GRID2: variants seen among roughly 807,000 people sequenced by gnomAD.
GRID2 encodes the protein glutamate ionotropic receptor delta type subunit 2.
In GRID2, 33 loss-of-function variants were observed where a neutral mutation model predicts 114.8. The ratio of observed to expected loss-of-function variants is 0.29; its 90% CI spans 0.22 to 0.38. The LOEUF (loss-of-function observed/expected upper bound fraction) is 0.38. Ranked by LOEUF, GRID2 falls within the 10% of genes least tolerant of loss-of-function variation. The pLI, the probability that GRID2 is intolerant of heterozygous loss-of-function variation, is 1.00. For missense variants in GRID2, 1,184 were observed against 1,257.7 expected (o/e 0.94, Z 0.89); for synonymous variants, 505 against 449.9 (o/e 1.12, Z -1.55).
At chr4:92,616,740 G>A (rs1730021441) in intron 2 of GRID2, among the ~76,000 whole-genome samples, 1 of 151,316 alleles carries the variant, frequency 6.6e-6, no homozygotes, top group South Asian at 2.1e-4. Flanking sequence ...TTTCTTCCTT[G>A]TATTTATTGA....
Position 92,625,013 on chromosome 4 carries a change from T to A in GRID2, c.244+34727T>A, listed in dbSNP as rs1052272030. ...TAACTTAAATTTTTGGTGGTATACC[T>A]TTTTAGAGTAATTCATTTTCTCACT... On this transcript the variant is annotated intron_variant, in intron 2 of 15. Transcript: ENST00000282020. 3.3e-5 allele frequency among the ~76,000 whole-genome samples: 5 copies of A among 151,772 alleles called. No homozygotes were observed. In the Admixed American group the frequency reaches 3.3e-4, roughly 10 times the overall value.
At chr4:92,954,912 A>T (rs1752285406) in intron 2 of GRID2, among the ~76,000 whole-genome samples, 2 of 135,708 alleles carry the variant, frequency 1.5e-5, no homozygotes, top group South Asian at 2.4e-4. Flanking sequence ...GATGATTTCC[A>T]ATTTCATCCA....
intron 4 of GRID2, among the ~76,000 whole-genome samples, chr4:93,189,324 A>G (rs1740745462): frequency 6.6e-6 from 1 of 152,156 alleles, no homozygotes; most frequent in South Asian, 2.1e-4. Context: ...CTCCCTTTCT[A>G]CTTTAAATTG....
chr4:92,608,307 T>TAATAAAGATATC (rs1729560418), intron 2 of GRID2, among the ~76,000 whole-genome samples: 1 of 151,746 alleles, frequency 6.6e-6, no homozygotes, highest in African/African-American at 2.4e-5. Context: ...ATAAAGACAT[T>TAATAAAGATATC]AATAAAGATA....
chr4:93,279,699 CT>C (rs1554023599), intron 8 of GRID2, among the ~76,000 whole-genome samples: 7 of 151,760 alleles, frequency 4.6e-5, no homozygotes, highest in Non-Finnish European at 1.0e-4. Context: ...AAGACCTTTA[CT>C]TTTTTTATAT....
chr4:92,987,266 C>T (rs2149197444), intron 2 of GRID2, among the ~76,000 whole-genome samples: 1 of 151,924 alleles, frequency 6.6e-6, no homozygotes, highest in East Asian at 1.9e-4. Context: ...TTTGAACTTC[C>T]TCACCATTAA....
rs1352613092 is a variant in GRID2 at position 92,688,066 on chromosome 4, T to TTTTG, written c.244+97780_244+97781insTTTG. 1.7e-4 allele frequency among the ~76,000 whole-genome samples: 23 copies of TTTTG among 135,018 alleles called. 1 individual carries two copies. The highest frequency in any genetic ancestry group is 6.7e-4 in the African/African-American group (23 of 34,334). 88.6% of individuals were successfully genotyped at this position (135,018 alleles called of 152,430 possible). A position where few individuals can be genotyped will look rare whatever the true frequency, so the allele number is the denominator to read the frequency against. On this transcript the variant is annotated intron_variant, in intron 2 of 15. Coordinates refer to ENST00000282020, the MANE Select transcript of GRID2 (RefSeq NM_001510.4). ...TTTTTTTTTTTTTTTTTTTTTTTTT[T>TTTTG]GGGATGGAGTTTCGCTCTCGTTGCC...
intron 14 of GRID2, among the ~76,000 whole-genome samples, chr4:93,724,220 G>A (rs558505803): frequency 6.6e-6 from 1 of 152,236 alleles, no homozygotes; most frequent in South Asian, 2.1e-4. Context: ...CTATTTCCAG[G>A]GAGCCATGAC....
chr4:92,590,134 C>G lies in GRID2; in HGVS notation c.92C>G (p.Ala31Gly), dbSNP rs1728638701. 1 of 1,606,628 alleles carries G rather than the reference C, an allele frequency of 6.2e-7. No individual in the cohort carries two copies. The highest frequency in any genetic ancestry group is 8.5e-7 in the Non-Finnish European group (1 of 1,173,900). The stretch of plus-strand genomic sequence containing the variant: ...GGCAAAATTCACTTCTTTCTAGGAG[C>G]AATTTTTGATGAATCTGCCAAAAAG... Reference protein sequence around the residue: ...ANADSIIHIGAIFDESAKKDD... With the variant: ...ANADSIIHIGGIFDESAKKDD... The change falls in exon 2 of 16, where the codon GCA becomes GGA. Residue 31 changes from alanine (A) to glycine (G), a missense_variant. This residue lies in a region of GRID2 where 455 missense variants were observed against 429.5 expected (regional missense o/e 1.06). Coordinates refer to ENST00000282020, the MANE Select transcript of GRID2 (RefSeq NM_001510.4).
chr4:93,491,511 A>T (rs527581240), intron 12 of GRID2, among the ~76,000 whole-genome samples: 1 of 152,016 alleles, frequency 6.6e-6, no homozygotes, highest in South Asian at 2.1e-4. Context: ...ATGCTATAAG[A>T]TCAACACCAC....
intron 2 of GRID2, among the ~76,000 whole-genome samples, chr4:92,958,191 G>A (rs576453029): frequency 2.2e-3 from 341 of 152,074 alleles, no homozygotes; most frequent in Non-Finnish European, 3.2e-3. Context: ...CTTGAAAAAA[G>A]AGTGGTGAGA....
chr4:93,526,187 T>C (rs1056388338), intron 13 of GRID2, among the ~76,000 whole-genome samples: 1 of 152,108 alleles, frequency 6.6e-6, no homozygotes, highest in African/African-American at 2.4e-5. Context: ...CTCACAATAG[T>C]GAGTGAGTTC....
intron 2 of GRID2, among the ~76,000 whole-genome samples, chr4:93,014,712 T>C (rs751635983): frequency 6.6e-6 from 1 of 152,164 alleles, no homozygotes; most frequent in Admixed American, 6.6e-5. Flanking sequence ...TCTCAGTCAA[T>C]AGAAGCATTT....
intron 2 of GRID2, among the ~76,000 whole-genome samples, chr4:92,671,152 G>A (rs1733046675): frequency 6.6e-6 from 1 of 152,018 alleles, no homozygotes; most frequent in African/African-American, 2.4e-5. Context: ...TAAAATCATG[G>A]TCGAAGGTGA....
Position 93,804,268 on chromosome 4 carries a change from C to T in GRID2, c.222-2447C>T, listed in dbSNP as rs1450778019. 3.3e-5 allele frequency among the ~76,000 whole-genome samples: 5 copies of T among 152,266 alleles called. No homozygotes were observed. In the East Asian group the frequency reaches 7.7e-4, roughly 24 times the overall value. ...CTAATAGTAGTCATGTGTTGCTTAA[C>T]CATGGAGATCCATTCAGGAAAAATG... is the stretch of plus-strand genomic sequence containing the variant. On this transcript the variant is annotated intron_variant, in intron 1 of 1. Transcript: ENST00000637838.
At chr4:93,457,392 G>T (rs1253585651) in intron 11 of GRID2, among the ~76,000 whole-genome samples, 2 of 151,966 alleles carry the variant, frequency 1.3e-5, no homozygotes, top group Non-Finnish European at 2.9e-5. Flanking sequence ...GATAGTCCAA[G>T]CAGAGAGGAT....
intron 4 of GRID2, among the ~76,000 whole-genome samples, chr4:93,120,821 C>T (rs1733716084): frequency 2.6e-5 from 4 of 151,874 alleles, no homozygotes; most frequent in Non-Finnish European, 5.9e-5. Context: ...GGCATGGTGG[C>T]GGGCACCTGT....
At chr4:92,734,930 G>T (rs115332911) in intron 2 of GRID2, among the ~76,000 whole-genome samples, 1 of 151,264 alleles carries the variant, frequency 6.6e-6, no homozygotes, top group African/African-American at 2.4e-5. Context: ...AGGCATGTAC[G>T]ATCACATCCA....
At chr4:92,565,046 G>A (rs1051668156) in intron 1 of GRID2, among the ~76,000 whole-genome samples, 4 of 151,858 alleles carry the variant, frequency 2.6e-5, no homozygotes, top group African/African-American at 9.7e-5. Context: ...CACAAATGTG[G>A]GAATGGTTTT....
Sources: allele counts gnomAD v4.1 joint callset (sites outside exome capture counted in the v4.1 genomes callset), GRCh38; gene constraint gnomAD v4.1.1; regional missense constraint gnomAD v4.1.1; transcripts MANE v1.5; gene names NCBI Gene and HGNC (gene_info 2026-07-23, HGNC 2026-07-21).